The following SCARB2 variants were observed in gnomAD, a reference collection of about 807,000 sequenced individuals.
The protein encoded by SCARB2 is lysosome membrane protein 2.
SCARB2 carries 29 observed loss-of-function variants against 58.6 expected under a neutral mutation model. That is an observed-to-expected ratio of 0.49 (90% confidence interval 0.37 to 0.67). The LOEUF (loss-of-function observed/expected upper bound fraction) is 0.67, where lower values mean the gene tolerates loss of function less well. SCARB2 is among the 30% of genes least tolerant of loss of function. The pLI is 0.00. For synonymous variants in SCARB2, 195 were observed against 210.1 expected, an observed-to-expected ratio of 0.93 and a Z score of 0.62; for missense variants, 488 against 578.5, an observed-to-expected ratio of 0.84 and a Z score of 1.60.
intron 6 of SCARB2, 64 bp from the exon 7 acceptor site, chr4:76,174,377 G>GC: frequency 6.8e-7 from 1 of 1,474,472 alleles, no homozygotes; most frequent in South Asian, 1.1e-5. Context: ...CCCGAAATCC[G>GC]CAAGTTAGCA....
intron 1 of SCARB2, among the ~76,000 whole-genome samples, chr4:76,220,877 C>T (rs1733294088): frequency 6.6e-6 from 1 of 152,158 alleles, no homozygotes; most frequent in Non-Finnish European, 1.5e-5. Flanking sequence ...CAGGTGCTCA[C>T]CTGGGATCAG....
chr4:76,230,626 G>C (rs1200735111), intron 1 of SCARB2, among the ~76,000 whole-genome samples: 2 of 152,064 alleles, frequency 1.3e-5, no homozygotes, highest in Non-Finnish European at 2.9e-5. Context: ...TCTCTTCCTA[G>C]CAGATATCTG....
At chr4:76,213,302 G>T in intron 1 of SCARB2, 125 bp downstream of exon 1, 2 of 739,166 alleles carry the variant, frequency 2.7e-6, no homozygotes, top group Non-Finnish European at 4.9e-6. Flanking sequence ...AGACAGGGAC[G>T]CAAGAAGAGC....
chr4:76,208,860 C>T (rs950186898), intron 1 of SCARB2, among the ~76,000 whole-genome samples: 1 of 152,102 alleles, frequency 6.6e-6, no homozygotes, highest in Non-Finnish European at 1.5e-5. Context: ...TGAGGGATGG[C>T]CATAGAATTT....
intron 2 of SCARB2, chr4:76,193,832 G>C (rs976487772): frequency 6.6e-6 from 1 of 152,208 alleles, no homozygotes; most frequent in Non-Finnish European, 1.5e-5. Flanking sequence ...AAGACTTTGG[G>C]GGACTATTGA....
chr4:76,234,068 A>C (rs1215496246), intron 1 of SCARB2, among the ~76,000 whole-genome samples: 1 of 152,238 alleles, frequency 6.6e-6, no homozygotes. Context: ...GGTGTGTGGC[A>C]GAAAACACCA....
chr4:76,220,293 G>A (rs1181795149), intron 1 of SCARB2, among the ~76,000 whole-genome samples: 4 of 152,130 alleles, frequency 2.6e-5, no homozygotes, highest in Non-Finnish European at 5.9e-5. Flanking sequence ...CACAAAATAT[G>A]TTATAGACAT....
At chr4:76,191,751 CCTCCCTCCCTGT>C (rs1732611113) in intron 2 of SCARB2, 1 of 148,492 alleles carries the variant, frequency 6.7e-6, no homozygotes, top group Admixed American at 6.7e-5. Flanking sequence ...TCCCTCCCTC[CCTCCCTCCCTGT>C]CTTTCTTTCT....
At chr4:76,206,716 T>C (rs1732937698) in intron 1 of SCARB2, among the ~76,000 whole-genome samples, 1 of 151,218 alleles carries the variant, frequency 6.6e-6, no homozygotes, top group African/African-American at 2.4e-5. Context: ...AATACCAAAT[T>C]ACGTCATATG....
intron 1 of SCARB2, among the ~76,000 whole-genome samples, chr4:76,229,677 G>A (rs1180960212): frequency 6.6e-6 from 1 of 152,198 alleles, no homozygotes; most frequent in African/African-American, 2.4e-5. Flanking sequence ...CCTGATTCCT[G>A]TGATGTGATC....
Position 76,213,499 on chromosome 4 carries a change from G to A in SCARB2, c.45C>T (p.Leu15=). ...GCAGCGTGACGCTGGTCACCAGCAGGAGCAGGGACAACGTCCCCGCCGTGT... is the reference window on the plus strand; with the variant it reads ...GCAGCGTGACGCTGGTCACCAGCAGAAGCAGGGACAACGTCCCCGCCGTGT... ...CFYTAGTLSL[L]LLVTSVTLLV... The change falls in exon 1 of 12, where the codon CTC becomes CTT. Residue 15 remains leucine (L), a synonymous_variant. Transcript: ENST00000264896. 6.2e-7 allele frequency: 1 copy of A among 1,611,324 alleles called. No individual in the cohort carries two copies. The highest frequency in any genetic ancestry group is 8.5e-7 in the Non-Finnish European group (1 of 1,178,936).
chr4:76,181,905 G>A (rs185229529), intron 2 of SCARB2, among the ~76,000 whole-genome samples: 3 of 152,194 alleles, frequency 2.0e-5, no homozygotes, highest in Admixed American at 2.0e-4. Context: ...TCAAGTTAGA[G>A]CCCCCAAATG....
intron 6 of SCARB2, chr4:76,174,965 G>A (rs17001561): frequency 0.16 from 25,331 of 153,608 alleles, 2,364 homozygotes; most frequent in Middle Eastern, 0.34. Context: ...GATGTACACA[G>A]TCACCACTGA....
At chr4:76,200,395 TACCACTA>T (rs1732805515) in intron 1 of SCARB2, among the ~76,000 whole-genome samples, 1 of 152,256 alleles carries the variant, frequency 6.6e-6, no homozygotes, top group African/African-American at 2.4e-5. Flanking sequence ...ACTGTGGCAC[TACCACTA>T]AAACAAAATA....
At position 76,176,425 on chromosome 4, in the gene SCARB2, C is replaced by A; in HGVS notation, c.704+12G>T. The stretch of plus-strand genomic sequence containing the variant: ...TGAAAAAATAATTCCACTGATAAAT[C>A]ATTTGACTTACGTTTTCCCATTCCA... On this transcript the variant is annotated intron_variant, in intron 5 of 11. Coordinates refer to ENST00000264896, the MANE Select transcript of SCARB2 (RefSeq NM_005506.4). 2 of 1,570,908 alleles carry A rather than the reference C, an allele frequency of 1.3e-6. No individual in the cohort carries two copies. Among genetic ancestry groups the A allele is most frequent in the South Asian group, 1.1e-5 (1 of 89,988 alleles).
intron 2 of SCARB2, among the ~76,000 whole-genome samples, chr4:76,187,917 T>C (rs928282224): frequency 1.3e-5 from 2 of 152,120 alleles, no homozygotes; most frequent in African/African-American, 4.8e-5. Context: ...CAGTATTACT[T>C]GTTATCAATG....
chr4:76,231,947 A>T (rs1056531548), intron 1 of SCARB2, among the ~76,000 whole-genome samples: 1 of 152,242 alleles, frequency 6.6e-6, no homozygotes, highest in Non-Finnish European at 1.5e-5. Context: ...TTCCAGTCAA[A>T]GACTTGGTAA....
intron 2 of SCARB2, among the ~76,000 whole-genome samples, chr4:76,186,780 G>A (rs1159617091): frequency 6.6e-6 from 1 of 151,980 alleles, no homozygotes; most frequent in African/African-American, 2.4e-5. Context: ...ATGATAAGAT[G>A]GTGTGAGAGA....
chr4:76,198,846 G>A (rs1014910190), intron 1 of SCARB2, among the ~76,000 whole-genome samples: 1 of 138,588 alleles, frequency 7.2e-6, no homozygotes, highest in Non-Finnish European at 1.5e-5. Flanking sequence ...GAGTGAGTGT[G>A]TGTGTGTGTG....
Sources: gnomAD v4.1 joint callset for allele counts (sites outside exome capture counted in the v4.1 genomes callset) on GRCh38, gnomAD v4.1.1 for gene constraint, MANE v1.5 for transcripts, NCBI Gene and HGNC (gene_info 2026-07-23, HGNC 2026-07-21) for gene names.